EEF1E1: variants seen among roughly 807,000 people sequenced by gnomAD.
EEF1E1 encodes the protein eukaryotic translation elongation factor 1 epsilon 1, also known as eukaryotic translation elongation factor 1 epsilon-1.
EEF1E1 carries 19 observed loss-of-function variants against 19.9 expected under a neutral mutation model. The observed-to-expected ratio is 0.95, with a 90% CI of 0.66 to 1.40. The LOEUF is 1.40. Among genes scored for constraint, EEF1E1 ranks in the 40% most tolerant of loss-of-function variants. The probability of loss-of-function intolerance (pLI) is 0.00; values close to 1 mark genes in which losing one functional copy is unlikely to be tolerated. For missense variants in EEF1E1, 198 were observed against 202.2 expected (o/e 0.98, Z 0.13); for synonymous variants, 81 against 80.0 (o/e 1.01, Z -0.07).
chr6:8,100,211 T>C (rs576060763), intron 1 of EEF1E1, among the ~76,000 whole-genome samples: 1 of 152,348 alleles, frequency 6.6e-6, no homozygotes, highest in South Asian at 2.1e-4. Context: ...TTACCTTGCA[T>C]TGCATCATTC....
intron 3 of EEF1E1, among the ~76,000 whole-genome samples, chr6:8,081,992 G>A (rs1757733896): frequency 6.6e-6 from 1 of 152,094 alleles, no homozygotes; most frequent in Non-Finnish European, 1.5e-5. Flanking sequence ...TGTTCAAGTT[G>A]TTCACCCAGA....
At chr6:8,098,442 T>C (rs1449921735) in intron 1 of EEF1E1, among the ~76,000 whole-genome samples, 1 of 152,116 alleles carries the variant, frequency 6.6e-6, no homozygotes, top group Non-Finnish European at 1.5e-5. Context: ...TTCTCTATAG[T>C]GATTTATACT....
At chr6:8,092,211 G>A (rs1301942171) in intron 2 of EEF1E1, among the ~76,000 whole-genome samples, 2 of 152,130 alleles carry the variant, frequency 1.3e-5, no homozygotes, top group Non-Finnish European at 2.9e-5. Context: ...AATTTGGGGA[G>A]GGGGAGTCAA....
downstream of EEF1E1, among the ~76,000 whole-genome samples, chr6:8,078,215 T>G (rs565943879): frequency 6.6e-6 from 1 of 152,268 alleles, no homozygotes; most frequent in South Asian, 2.1e-4. Flanking sequence ...GATGTGCAAC[T>G]CCTCCTTTCA....
chr6:8,090,347 A>T, intron 2 of EEF1E1, 66 bp from the exon 3 acceptor site: 1 of 1,154,714 alleles, frequency 8.7e-7, no homozygotes, highest in Non-Finnish European at 1.1e-6. Context: ...TAATTATCAT[A>T]TCATGACTTA....
intron 1 of EEF1E1, among the ~76,000 whole-genome samples, chr6:8,097,993 T>A (rs1167964106): frequency 6.6e-6 from 1 of 152,182 alleles, no homozygotes; most frequent in Non-Finnish European, 1.5e-5. Context: ...TGGAAAGTAT[T>A]ACCTAATGGG....
In EEF1E1 at chr6:8,089,860, G is replaced by A. The variant is rs147012491; in HGVS notation, c.384+326C>T. ...GCTGGAGAAGTCACTGCTGAAGAAG[G>A]GCAGAAGCATAGGAAAAAAATCAAG... On this transcript the variant is annotated intron_variant, in intron 3 of 3. Coordinates refer to ENST00000379715, the MANE Select transcript of EEF1E1 (RefSeq NM_004280.5). 1.1e-3 allele frequency: 313 copies of A among 292,040 alleles called. 3 individuals carry two copies. Among genetic ancestry groups the A allele is most frequent in the African/African-American group, 6.2e-3 (291 of 46,698 alleles). The allele number at this position is 292,040 out of a possible 1,614,324, so 18.1% of individuals were successfully genotyped here.
At chr6:8,094,888 G>A (rs778399313) in intron 2 of EEF1E1, among the ~76,000 whole-genome samples, 2 of 152,048 alleles carry the variant, frequency 1.3e-5, no homozygotes, top group Admixed American at 6.6e-5. Flanking sequence ...TATTCCCTCC[G>A]CCTTATGATT....
In EEF1E1 at chr6:8,102,533, A is replaced by C. The variant is rs751209592; in HGVS notation, c.-12T>G. The C allele has an allele frequency of 1.2e-6, 2 of 1,608,782 alleles. No individual in the cohort carries two copies. Among genetic ancestry groups the C allele is most frequent in the East Asian group, 4.5e-5 (2 of 44,866 alleles). The stretch of plus-strand genomic sequence containing the variant: ...GCGGCCGCCGCCATCTTCCGGCCGT[A>C]GCTCCTGGCAGACGCGAGACCTGCA... On this transcript the variant is annotated 5_prime_UTR_variant, in exon 1 of 4. Coordinates refer to ENST00000379715, the MANE Select transcript of EEF1E1 (RefSeq NM_004280.5).
intron 1 of EEF1E1, chr6:8,101,884 C>A (rs1400843867): frequency 8.7e-6 from 11 of 1,263,850 alleles, no homozygotes; most frequent in African/African-American, 1.5e-5. Flanking sequence ...GTTCTCTCTG[C>A]CATTTATGGT....
chr6:8,101,257 T>A (rs199946745), intron 1 of EEF1E1, among the ~76,000 whole-genome samples: 20,582 of 61,682 alleles, frequency 0.33, 5,430 homozygotes, highest in Non-Finnish European at 0.38. Context: ...TATATATATA[T>A]ATATATATAT....
At chr6:8,094,040 C>G (rs1758097971) in intron 2 of EEF1E1, among the ~76,000 whole-genome samples, 1 of 152,080 alleles carries the variant, frequency 6.6e-6, no homozygotes, top group South Asian at 2.1e-4. Flanking sequence ...CTCAAGTGAT[C>G]TGCCTGCCTC....
downstream of EEF1E1, among the ~76,000 whole-genome samples, chr6:8,076,762 T>C (rs1343513303): frequency 1.3e-5 from 2 of 152,140 alleles, no homozygotes; most frequent in Non-Finnish European, 2.9e-5. Flanking sequence ...GCTCTAAGGG[T>C]AACCAGGTGT....
rs189451951 is a variant in EEF1E1, at chr6:8,081,400, C to T, written c.385-1370G>A. Among the ~76,000 whole-genome samples the T allele has an allele frequency of 1.3e-3, 193 of 152,148 alleles. 2 individuals are homozygous for T. Among genetic ancestry groups the T allele is most frequent in the Admixed American group, 5.9e-4 (9 of 15,286 alleles). ...AACTGGTCAAGTATGTCTTTTTTAA[C>T]GTAAAAGTTTAATTTTTATTATGAA... On this transcript the variant is annotated intron_variant, in intron 3 of 3. Coordinates refer to ENST00000379715, the MANE Select transcript of EEF1E1 (RefSeq NM_004280.5).
rs780274627 is a variant in EEF1E1 at position 8,102,545 on chromosome 6, A to G, written c.-24T>C. The stretch of plus-strand genomic sequence containing the variant: ...ATCTTCCGGCCGTAGCTCCTGGCAG[A>G]CGCGAGACCTGCAGAACAAGAACCT... On this transcript the variant is annotated 5_prime_UTR_variant, in exon 1 of 4. Transcript: ENST00000379715. The G allele has an allele frequency of 2.5e-6, 4 of 1,606,428 alleles. No homozygotes were observed. Among genetic ancestry groups the G allele is most frequent in the Non-Finnish European group, 2.5e-6 (3 of 1,179,118 alleles).
rs370337321 is a variant in EEF1E1 at position 8,097,350 on chromosome 6, C to A, written c.205G>T (p.Ala69Ser). The A allele has an allele frequency of 1.4e-5, 22 of 1,614,154 alleles. No individual in the cohort carries two copies. Among genetic ancestry groups the A allele is most frequent in the Admixed American group, 1.0e-4 (6 of 60,020 alleles). ...YLLGSTAEEKAIVQQWLEYRV... is the reference protein window; with the variant it reads ...YLLGSTAEEKSIVQQWLEYRV... Reference sequence around the variant, plus strand: ...TATTCTAACCACTGCTGAACGATTGCTTTTTCTTCTGCAGTACTCCCCAGC... The same window carrying A: ...TATTCTAACCACTGCTGAACGATTGATTTTTCTTCTGCAGTACTCCCCAGC... The change falls in exon 2 of 4, where the codon GCA becomes TCA. Residue 69 changes from alanine (A) to serine (S), a missense_variant. Ala to Ser is a moderately conservative substitution (Grantham distance 99). Coordinates refer to ENST00000379715, the MANE Select transcript of EEF1E1 (RefSeq NM_004280.5).
chr6:8,092,869 CTTTTT>C (rs942764776), intron 2 of EEF1E1, among the ~76,000 whole-genome samples: 5 of 93,764 alleles, frequency 5.3e-5, no homozygotes, highest in Non-Finnish European at 7.8e-5. Flanking sequence ...ATAAAGACTG[CTTTTT>C]TTTTTTTTTT....
rs537197872 is a variant in EEF1E1 at position 8,099,370 on chromosome 6, C to T, written c.88-1903G>A. ...CTACATTATTCAGTACAGTAACATG[C>T]GGTACAGGTTTGTAGCCTGAAGGAG... On this transcript the variant is annotated intron_variant, in intron 1 of 3. Transcript: ENST00000379715. Among the ~76,000 whole-genome samples, 13 of 152,282 alleles carry T rather than the reference C, an allele frequency of 8.5e-5. No homozygotes were observed. In the South Asian group the frequency reaches 2.5e-3, roughly 29 times the overall value.
intron 3 of EEF1E1, among the ~76,000 whole-genome samples, chr6:8,087,367 G>A (rs559823710): frequency 4.6e-5 from 7 of 152,322 alleles, no homozygotes; most frequent in East Asian, 1.9e-4. Context: ...TCAGGCATGC[G>A]CCACCACGCC....
Sources: allele counts gnomAD v4.1 joint callset (sites outside exome capture counted in the v4.1 genomes callset), GRCh38; gene constraint gnomAD v4.1.1; transcripts MANE v1.5; gene names NCBI Gene and HGNC (gene_info 2026-07-23, HGNC 2026-07-21).